Variants in RNGTT observed in about 807,000 individuals in gnomAD.
RNGTT encodes the protein RNA guanylyltransferase and 5'-phosphatase.
In RNGTT, 33 loss-of-function variants were observed where a neutral mutation model predicts 79.3. The ratio of observed to expected loss-of-function variants is 0.42; its 90% CI spans 0.32 to 0.56. The LOEUF is 0.56. RNGTT is among the 20% of genes least tolerant of loss of function. The pLI is 0.17. For missense variants in RNGTT, 497 were observed against 739.1 expected, an observed-to-expected ratio of 0.67 and a Z score of 3.80; for synonymous variants, 222 against 235.9, an observed-to-expected ratio of 0.94 and a Z score of 0.54.
chr6:88,751,908 T>G (rs1406741252), intron 13 of RNGTT, among the ~76,000 whole-genome samples: 1 of 152,084 alleles, frequency 6.6e-6, no homozygotes, highest in Non-Finnish European at 1.5e-5. Flanking sequence ...CAAAAATCTT[T>G]TGTCATAATT....
At chr6:88,649,432 C>T (rs1365363457) in intron 14 of RNGTT, among the ~76,000 whole-genome samples, 1 of 152,226 alleles carries the variant, frequency 6.6e-6, no homozygotes, top group Non-Finnish European at 1.5e-5. Flanking sequence ...GGCGCGGTGG[C>T]TCACGCCTGT....
chr6:88,692,728 T>C (rs938683888), intron 13 of RNGTT, among the ~76,000 whole-genome samples: 1 of 152,136 alleles, frequency 6.6e-6, no homozygotes, highest in Non-Finnish European at 1.5e-5. Flanking sequence ...AGTGATTTCA[T>C]ATGTAAAAAC....
chr6:88,743,676 A>G (rs1454328921), intron 13 of RNGTT, among the ~76,000 whole-genome samples: 1 of 152,196 alleles, frequency 6.6e-6, no homozygotes, highest in Admixed American at 6.5e-5. Flanking sequence ...GTTGAATAAT[A>G]TTCTATTGTA....
chr6:88,731,259 C>A (rs929876622), intron 13 of RNGTT, among the ~76,000 whole-genome samples: 4 of 152,128 alleles, frequency 2.6e-5, no homozygotes, highest in Non-Finnish European at 4.4e-5. Flanking sequence ...AAACACAGCC[C>A]ACAGGTCTTA....
At chr6:88,854,056 C>A (rs931592826) in intron 8 of RNGTT, among the ~76,000 whole-genome samples, 4 of 151,856 alleles carry the variant, frequency 2.6e-5, no homozygotes, top group African/African-American at 9.7e-5. Flanking sequence ...TCCAGAGTAG[C>A]TGGAATTACA....
chr6:88,735,340 C>G (rs150529235), intron 13 of RNGTT, among the ~76,000 whole-genome samples: 190 of 152,160 alleles, frequency 1.2e-3, no homozygotes, highest in Middle Eastern at 6.8e-3. Context: ...ATTCAGCTGA[C>G]ATTTATAGAA....
chr6:88,924,758 C>T lies in RNGTT; in HGVS notation c.367+4227G>A, dbSNP rs115923921. ...TTTTTTTTTTAGAGACAGATTCTCA[C>T]TCTATTGCCCAAGCTGGAGTGCAGG... On this transcript the variant is annotated intron_variant, in intron 4 of 15. Transcript: ENST00000369485. Among the ~76,000 whole-genome samples the T allele has an allele frequency of 4.7e-3, 709 of 149,904 alleles. 2 individuals are homozygous for T. Among genetic ancestry groups the T allele is most frequent in the African/African-American group, 0.017 (672 of 40,686 alleles).
chr6:88,835,036 T>G (rs908281793), intron 11 of RNGTT, among the ~76,000 whole-genome samples: 1 of 152,172 alleles, frequency 6.6e-6, no homozygotes, highest in Non-Finnish European at 1.5e-5. Flanking sequence ...TTACTACTCT[T>G]TCATCCTATA....
At chr6:88,863,935 C>T (rs1372228879) in intron 8 of RNGTT, among the ~76,000 whole-genome samples, 2 of 152,064 alleles carry the variant, frequency 1.3e-5, no homozygotes, top group Non-Finnish European at 2.9e-5. Flanking sequence ...AACCAAAAAT[C>T]TCATCCAATA....
intron 4 of RNGTT, among the ~76,000 whole-genome samples, chr6:88,917,662 G>T (rs769511447): frequency 5.9e-5 from 9 of 152,318 alleles, no homozygotes; most frequent in Middle Eastern, 3.4e-3. Context: ...TGAGGGTGGC[G>T]GATCACTTGA....
chr6:88,945,242 C>T (rs1784971340), intron 1 of RNGTT, among the ~76,000 whole-genome samples: 1 of 152,190 alleles, frequency 6.6e-6, no homozygotes. Context: ...TACACATATT[C>T]CTCAGCAATC....
At chr6:88,652,536 CACTT>C (rs1461026162) in intron 14 of RNGTT, among the ~76,000 whole-genome samples, 1 of 152,158 alleles carries the variant, frequency 6.6e-6, no homozygotes, top group African/African-American at 2.4e-5. Context: ...GACAAGATGT[CACTT>C]ACAGCAGCAA....
intron 13 of RNGTT, among the ~76,000 whole-genome samples, chr6:88,704,301 C>G (rs115099010): frequency 6.8e-6 from 1 of 147,046 alleles, no homozygotes; most frequent in Non-Finnish European, 1.5e-5. Context: ...GACTTCAATC[C>G]TTTGTTTTGT....
chr6:88,796,405 T>G (rs1224927084), intron 12 of RNGTT, among the ~76,000 whole-genome samples: 2 of 152,066 alleles, frequency 1.3e-5, no homozygotes, highest in African/African-American at 4.8e-5. Context: ...CAAAGAGCAG[T>G]TAAGAAGCTA....
At chr6:88,901,066 C>T (rs902725025) in intron 6 of RNGTT, among the ~76,000 whole-genome samples, 2 of 151,512 alleles carry the variant, frequency 1.3e-5, no homozygotes, top group East Asian at 2.0e-4. Context: ...CGCTTGAACC[C>T]GGGAGGCAGA....
At chr6:88,827,894 G>A (rs1780724427) in intron 11 of RNGTT, among the ~76,000 whole-genome samples, 1 of 152,142 alleles carries the variant, frequency 6.6e-6, no homozygotes, top group Non-Finnish European at 1.5e-5. Context: ...CCCAGTCATG[G>A]GCTTATAGAT....
At position 88,659,845 on chromosome 6, in the gene RNGTT, T is replaced by C. The variant is rs561047708; in HGVS notation, c.1506+18508A>G. 7.9e-5 allele frequency among the ~76,000 whole-genome samples: 12 copies of C among 152,298 alleles called. No homozygotes were observed. The South Asian group carries it at 1.0e-3, about 13-fold the overall frequency. On this transcript the variant is annotated intron_variant, in intron 14 of 15. Transcript: ENST00000369485. Reference sequence around the variant, plus strand: ...ACAAAAAGATGATTGCCTAGGCACATAGTCATCAGGTTATCTAAAGTCAAG... The same window carrying C: ...ACAAAAAGATGATTGCCTAGGCACACAGTCATCAGGTTATCTAAAGTCAAG...
At chr6:88,716,143 A>G (rs748899258) in intron 13 of RNGTT, among the ~76,000 whole-genome samples, 2 of 152,122 alleles carry the variant, frequency 1.3e-5, no homozygotes, top group Non-Finnish European at 2.9e-5. Context: ...AACCCCATCA[A>G]AAAGTGGGCA....
intron 6 of RNGTT, among the ~76,000 whole-genome samples, chr6:88,895,229 CTGTGTG>C (rs5878081): frequency 0.035 from 5,049 of 145,152 alleles, 80 homozygotes; most frequent in African/African-American, 0.049. Context: ...AGAGAGAGCT[CTGTGTG>C]TGTGTGTGTG....
Sources: gnomAD v4.1 joint callset for allele counts (sites outside exome capture counted in the v4.1 genomes callset) on GRCh38, gnomAD v4.1.1 for gene constraint, MANE v1.5 for transcripts, NCBI Gene and HGNC (gene_info 2026-07-23, HGNC 2026-07-21) for gene names.